Variants in PTOV1 observed in about 807,000 individuals in gnomAD.
PTOV1 encodes prostate tumor-overexpressed gene 1 protein.
In PTOV1, 20 loss-of-function variants were observed where a neutral mutation model predicts 58.0. The observed-to-expected ratio is 0.34, with a 90% CI of 0.24 to 0.50. The LOEUF (loss-of-function observed/expected upper bound fraction) is 0.50, where lower values mean the gene tolerates loss of function less well. Ranked by LOEUF, PTOV1 falls within the 20% of genes least tolerant of loss-of-function variation. PTOV1 has a pLI of 0.98. For synonymous variants in PTOV1, 335 were observed against 234.2 expected (o/e 1.43, Z -3.93); for missense variants, 593 against 565.4 (o/e 1.05, Z -0.50).
chr19:49,851,156 C>T (rs2074225625), upstream of PTOV1: 3 of 1,259,444 alleles, frequency 2.4e-6, no homozygotes, highest in East Asian at 6.6e-5. Context: ...CCCCGCTCGC[C>T]TCAGTGGTTC....
At chr19:49,860,005 C>T (rs1490391752) in exon 11 of PTOV1, 3 of 1,614,154 alleles carry the variant, frequency 1.9e-6, no homozygotes, top group Admixed American at 1.7e-5. Flanking sequence ...GTGCACTTTT[C>T]CTACAAAGCA....
chr19:49,857,604 C>T lies in PTOV1; in HGVS notation c.715-89C>T, dbSNP rs2074533344. 5 of 1,262,932 alleles carry T rather than the reference C, an allele frequency of 4.0e-6. No homozygotes were observed. In the African/African-American group the frequency reaches 4.4e-5, roughly 11 times the overall value. 78.2% of individuals were successfully genotyped at this position (1,262,932 alleles called of 1,614,324 possible). The stretch of plus-strand genomic sequence containing the variant: ...CCCAGCTGGGGCTAACAGGCCAAGG[C>T]TCGGAGGGAGGGATGGCAGGCCCCA... On this transcript the variant is annotated intron_variant, in intron 6 of 11. Transcript: ENST00000391842.
intron 5 of PTOV1, chr19:49,856,263 C>G (rs75261149): frequency 0.039 from 5,904 of 152,296 alleles, 144 homozygotes; most frequent in South Asian, 0.12. Context: ...CCCTGGGAGG[C>G]TGACTGTGCA....
At chr19:49,853,538 CTTGCAGTGAGCGAGG>C (rs1402735222) in intron 1 of PTOV1, among the ~76,000 whole-genome samples, 4 of 151,100 alleles carry the variant, frequency 2.6e-5, no homozygotes, top group South Asian at 2.1e-4. Flanking sequence ...GATGGCGCGG[CTTGCAGTGAGCGAGG>C]TTGCAGTGAG....
chr19:49,857,597 G>A, intron 6 of PTOV1, 96 bp from the exon 7 acceptor site: 1 of 1,192,884 alleles, frequency 8.4e-7, no homozygotes, highest in Non-Finnish European at 1.2e-6. Context: ...GGGCTAACAG[G>A]CCAAGGCTCG....
intron 5 of PTOV1, 173 bp from the exon 6 acceptor site, chr19:49,856,802 T>C (rs967107247): frequency 8.2e-6 from 6 of 729,916 alleles, no homozygotes; most frequent in African/African-American, 5.4e-5. Context: ...GGGATGCCGA[T>C]GGGCGCTGCA....
At chr19:49,859,741 C>T (rs2122283197) in intron 10 of PTOV1, 4 of 569,752 alleles carry the variant, frequency 7.0e-6, no homozygotes, top group East Asian at 5.9e-5. Flanking sequence ...CCTGGCCTGC[C>T]CAGGAGCTCT....
rs1202181913 is a variant in PTOV1, at chr19:49,860,187, A to G, written c.1239+4A>G. On this transcript the variant is annotated splice_donor_region_variant and intron_variant, in intron 11 of 11. Coordinates refer to ENST00000391842, the Ensembl canonical transcript of PTOV1. ...GCAGGAGCAACAGCAACGAGGGGTG[A>G]GGTGGCCGGCCTCCAGGGCTGCTCA... 1 of 1,614,060 alleles carries G rather than the reference A, an allele frequency of 6.2e-7. No homozygotes were observed. Among genetic ancestry groups the G allele is most frequent in the South Asian group, 1.1e-5 (1 of 91,072 alleles).
At position 49,859,972 on chromosome 19, in the gene PTOV1, C is replaced by T. The variant is rs374619998; in HGVS notation, c.1042-14C>T. On this transcript the variant is annotated splice_polypyrimidine_tract_variant and intron_variant, in intron 10 of 11. Coordinates refer to ENST00000391842, the Ensembl canonical transcript of PTOV1. ...GTGGTGCTGTCTGGTGACACCACGCCCTGTGCCTGCCAGGCCGGCTGCGTG... is the reference window on the plus strand; with the variant it reads ...GTGGTGCTGTCTGGTGACACCACGCTCTGTGCCTGCCAGGCCGGCTGCGTG... 4.0e-5 allele frequency: 65 copies of T among 1,613,802 alleles called. 1 individual carries two copies. Among genetic ancestry groups the T allele is most frequent in the Non-Finnish European group, 5.0e-5 (59 of 1,179,962 alleles).
At chr19:49,851,651 A>G in intron 1 of PTOV1, 152 bp downstream of exon 1, 4 of 1,086,954 alleles carry the variant, frequency 3.7e-6, no homozygotes, top group Non-Finnish European at 4.5e-6. Context: ...TCCCCCGTGG[A>G]GCACCCGGTG....
At chr19:49,857,528 G>A (rs1433365178) in intron 6 of PTOV1, 165 bp from the exon 7 acceptor site, 6 of 688,460 alleles carry the variant, frequency 8.7e-6, no homozygotes, top group East Asian at 5.4e-5. Flanking sequence ...GCCATGGGGG[G>A]CTGTGAGCAG....
intron 1 of PTOV1, among the ~76,000 whole-genome samples, chr19:49,853,814 C>T (rs888437201): frequency 6.6e-6 from 1 of 152,190 alleles, no homozygotes; most frequent in East Asian, 1.9e-4. Context: ...GGTTTAGTCC[C>T]CTCTGTGTTT....
At position 49,857,921 on chromosome 19, in the gene PTOV1, C is replaced by A. The variant is rs752842898; in HGVS notation, c.822C>A (p.Asn274Lys). Residue 274 changes from asparagine (N) to lysine (K), a missense_variant, in exon 8 of 12, where the codon AAC (asparagine) becomes AAA (lysine). Coordinates refer to ENST00000391842, the Ensembl canonical transcript of PTOV1. Reference sequence around the variant, plus strand: ...CCCAAAAGCCCAGGCCTGAGCCCAACAGTCGGTCCAAGAGGTGGCTGCCAT... The same window carrying A: ...CCCAAAAGCCCAGGCCTGAGCCCAAAAGTCGGTCCAAGAGGTGGCTGCCAT... The A allele has an allele frequency of 3.7e-5, 60 of 1,613,750 alleles. 1 individual carries two copies. The highest frequency in any genetic ancestry group is 4.6e-5 in the Non-Finnish European group (54 of 1,179,844).
chr19:49,852,873 G>A (rs1051596904), intron 1 of PTOV1: 4 of 152,162 alleles, frequency 2.6e-5, no homozygotes, highest in Non-Finnish European at 5.9e-5. Flanking sequence ...CCCTCATCTC[G>A]AAAGTCACCT....
intron 6 of PTOV1, 163 bp from the exon 7 acceptor site, chr19:49,857,530 T>C: frequency 2.9e-6 from 2 of 691,292 alleles, no homozygotes; most frequent in African/African-American, 1.8e-5. Flanking sequence ...CATGGGGGGC[T>C]GTGAGCAGAT....
At chr19:49,860,520 A>G in exon 12 of PTOV1, 2 of 637,058 alleles carry the variant, frequency 3.1e-6, no homozygotes, top group South Asian at 4.0e-5. Context: ...GGTGGTATCC[A>G]GGCCTGGGTG....
chr19:49,854,704 G>A, exon 3 of PTOV1: 1 of 1,613,482 alleles, frequency 6.2e-7, no homozygotes, highest in Non-Finnish European at 8.5e-7. Context: ...ACCCTGCCCT[G>A]CCAAGCCTAC....
chr19:49,856,979 G>A, exon 6 of PTOV1: 1 of 1,612,768 alleles, frequency 6.2e-7, no homozygotes, highest in Non-Finnish European at 8.5e-7. Context: ...CCGCAGGCGG[G>A]CTGCATGCTG....
intron 5 of PTOV1, chr19:49,856,646 C>T: frequency 2.9e-6 from 1 of 345,536 alleles, no homozygotes; most frequent in Non-Finnish European, 5.4e-6. Flanking sequence ...TGCCTGTGCT[C>T]TTAACCCCCA....
Sources: gnomAD v4.1 joint callset for allele counts (sites outside exome capture counted in the v4.1 genomes callset) on GRCh38, gnomAD v4.1.1 for gene constraint, MANE v1.5 for transcripts, NCBI Gene and HGNC (gene_info 2026-07-23, HGNC 2026-07-21) for gene names.